The following LIPI variants were observed in gnomAD, a reference collection of about 807,000 sequenced individuals.
The protein encoded by LIPI is lipase member I.
A neutral mutation model predicts 50.6 loss-of-function variants in LIPI; 59 were observed. The ratio of observed to expected loss-of-function variants is 1.16; its 90% confidence interval spans 0.94 to 1.45. LIPI has a LOEUF of 1.45. Ranked by LOEUF, LIPI falls within the 40% of genes most tolerant of loss-of-function variation. The probability of loss-of-function intolerance (pLI) is 0.00; values close to 1 mark genes in which losing one functional copy is unlikely to be tolerated. For synonymous variants in LIPI, 203 were observed against 178.2 expected (o/e 1.14, Z -1.11); for missense variants, 586 against 536.3 (o/e 1.09, Z -0.92).
chr21:14,159,028 G>T (rs1024729497), intron 7 of LIPI, among the ~76,000 whole-genome samples: 4 of 151,372 alleles, frequency 2.6e-5, no homozygotes, highest in Non-Finnish European at 5.9e-5. Context: ...AGACCCAAAT[G>T]GTTTCACTGG....
At chr21:14,122,648 A>T (rs918641744) in intron 9 of LIPI, among the ~76,000 whole-genome samples, 1 of 152,170 alleles carries the variant, frequency 6.6e-6, no homozygotes, top group African/African-American at 2.4e-5. Context: ...CCACACATGA[A>T]TTCAGCCAAC....
chr21:14,144,541 G>T (rs2017830912), intron 9 of LIPI, 82 bp downstream of exon 9: 1 of 721,146 alleles, frequency 1.4e-6, no homozygotes, highest in East Asian at 2.6e-5. Context: ...TTGAATACAT[G>T]AATTTTTAAA....
chr21:14,142,717 C>T (rs567592490), intron 9 of LIPI, among the ~76,000 whole-genome samples: 11 of 151,696 alleles, frequency 7.3e-5, no homozygotes, highest in African/African-American at 2.4e-4. Flanking sequence ...CTCTTGGCCT[C>T]TAGTGATCCT....
At chr21:14,142,736 G>A (rs1401245936) in intron 9 of LIPI, among the ~76,000 whole-genome samples, 1 of 151,528 alleles carries the variant, frequency 6.6e-6, no homozygotes, top group African/African-American at 2.4e-5. Context: ...CTCCCGACTT[G>A]GCCTCTGAAA....
intron 1 of LIPI, 104 bp downstream of exon 1, chr21:14,210,696 A>AT (rs1299636409): frequency 8.8e-6 from 3 of 341,576 alleles, no homozygotes; most frequent in Middle Eastern, 1.1e-3. Flanking sequence ...AATCTAACAT[A>AT]TTTTTATCCC....
At chr21:14,119,274 G>C (rs572422534) in intron 9 of LIPI, among the ~76,000 whole-genome samples, 1 of 152,168 alleles carries the variant, frequency 6.6e-6, no homozygotes, top group Non-Finnish European at 1.5e-5. Context: ...TAGATGATTT[G>C]TTACTAGCTA....
chr21:14,138,741 C>T (rs1358986695), intron 9 of LIPI, among the ~76,000 whole-genome samples: 2 of 151,834 alleles, frequency 1.3e-5, no homozygotes, highest in African/African-American at 2.4e-5. Context: ...ATTGAGCAGT[C>T]GATTTATTTA....
At chr21:14,179,540 A>G (rs1184263053) in intron 4 of LIPI, among the ~76,000 whole-genome samples, 1 of 152,230 alleles carries the variant, frequency 6.6e-6, no homozygotes, top group Non-Finnish European at 1.5e-5. Flanking sequence ...AAAAGTATGA[A>G]GAGCTAAGTC....
At chr21:14,181,687 C>T (rs1320426912) in intron 4 of LIPI, 71 bp downstream of exon 4, 6 of 843,478 alleles carry the variant, frequency 7.1e-6, no homozygotes, top group Admixed American at 3.7e-5. Flanking sequence ...TTCTTATGCC[C>T]TCCTCTTGCC....
At chr21:14,171,063 C>A (rs2018883594) in intron 4 of LIPI, among the ~76,000 whole-genome samples, 1 of 149,150 alleles carries the variant, frequency 6.7e-6, no homozygotes, top group African/African-American at 2.5e-5. Flanking sequence ...CATTCTTATA[C>A]ACCAATAACA....
intron 1 of LIPI, among the ~76,000 whole-genome samples, chr21:14,194,007 T>C (rs1357951117): frequency 1.3e-5 from 2 of 152,154 alleles, no homozygotes; most frequent in Admixed American, 6.5e-5. Flanking sequence ...AATGAAGATA[T>C]CCAAAAGTTC....
intron 9 of LIPI, among the ~76,000 whole-genome samples, chr21:14,113,760 G>A (rs2016507724): frequency 6.6e-6 from 1 of 152,206 alleles, no homozygotes; most frequent in African/African-American, 2.4e-5. Flanking sequence ...ATAAAGGAAA[G>A]AGGTGTAATT....
At chr21:14,114,138 A>G (rs371838978) in intron 9 of LIPI, among the ~76,000 whole-genome samples, 3 of 151,404 alleles carry the variant, frequency 2.0e-5, no homozygotes, top group East Asian at 3.9e-4. Context: ...AGATCATGCC[A>G]CTGCACTCCA....
At chr21:14,130,391 C>T (rs2017247687) in intron 9 of LIPI, among the ~76,000 whole-genome samples, 1 of 152,124 alleles carries the variant, frequency 6.6e-6, no homozygotes, top group Non-Finnish European at 1.5e-5. Flanking sequence ...AGCATCTGTG[C>T]CCTGCCCTTG....
intron 2 of LIPI, among the ~76,000 whole-genome samples, chr21:14,188,050 A>C (rs2019517677): frequency 6.6e-6 from 1 of 152,156 alleles, no homozygotes; most frequent in Admixed American, 6.5e-5. Flanking sequence ...TCAAGTTTAA[A>C]TTTCAAGCTC....
intron 4 of LIPI, among the ~76,000 whole-genome samples, chr21:14,169,730 T>C (rs1222225403): frequency 1.3e-5 from 2 of 151,874 alleles, no homozygotes; most frequent in African/African-American, 2.4e-5. Flanking sequence ...AGAGGGAAAT[T>C]TGTAGCACTA....
intron 4 of LIPI, among the ~76,000 whole-genome samples, chr21:14,168,038 A>G (rs1259789446): frequency 6.6e-6 from 1 of 152,250 alleles, no homozygotes; most frequent in Non-Finnish European, 1.5e-5. Flanking sequence ...ATGGAGCTGA[A>G]AGCCAAGGCT....
chr21:14,204,246 C>T (rs1014141661), intron 1 of LIPI, among the ~76,000 whole-genome samples: 5 of 150,214 alleles, frequency 3.3e-5, no homozygotes, highest in Admixed American at 2.0e-4. Context: ...GGGTTTAAGC[C>T]GGTTTAAACT....
intron 1 of LIPI, among the ~76,000 whole-genome samples, chr21:14,197,860 G>T (rs750725088): frequency 1.3e-5 from 2 of 151,772 alleles, no homozygotes. Flanking sequence ...AATGTTAAAG[G>T]CAGCCAGAGA....
Sources: allele counts gnomAD v4.1 joint callset (sites outside exome capture counted in the v4.1 genomes callset), GRCh38; gene constraint gnomAD v4.1.1; transcripts MANE v1.5; gene names NCBI Gene and HGNC (gene_info 2026-07-23, HGNC 2026-07-21).